The following IKZF1 variants were observed in gnomAD, a reference collection of about 807,000 sequenced individuals.
The protein encoded by IKZF1 is DNA-binding protein Ikaros.
In IKZF1, 10 loss-of-function variants were observed where a neutral mutation model predicts 51.7. The ratio of observed to expected loss-of-function variants is 0.19; its 90% CI spans 0.12 to 0.33. The LOEUF is 0.33. Ranked by LOEUF, IKZF1 falls within the 10% of genes least tolerant of loss-of-function variation. The probability of loss-of-function intolerance (pLI) is 1.00; values close to 1 mark genes in which losing one functional copy is unlikely to be tolerated. For synonymous variants in IKZF1, 280 were observed against 282.3 expected (o/e 0.99, Z 0.08); for missense variants, 484 against 707.5 (o/e 0.68, Z 3.58).
At chr7:50,388,040 G>C (rs34058879) in intron 6 of IKZF1, among the ~76,000 whole-genome samples, 1 of 152,122 alleles carries the variant, frequency 6.6e-6, no homozygotes, top group Admixed American at 6.5e-5. Flanking sequence ...TTCTTTCTTA[G>C]GAGCTGTGAT....
At chr7:50,330,673 G>C (rs1283529867) in intron 3 of IKZF1, among the ~76,000 whole-genome samples, 1 of 152,208 alleles carries the variant, frequency 6.6e-6, no homozygotes, top group Admixed American at 6.5e-5. Flanking sequence ...TTAAATAAAT[G>C]AAGTATGTAG....
upstream of IKZF1, among the ~76,000 whole-genome samples, chr7:50,303,768 G>A (rs971598972): frequency 3.3e-5 from 5 of 151,730 alleles, no homozygotes; most frequent in African/African-American, 1.2e-4. This position sits in a 1 kb window ranked among gnomAD's most constrained non-coding sequence, Gnocchi z 4.7. Context: ...TCGCCAGCGG[G>A]GCGAGCGTGA....
chr7:50,396,004 C>T (rs1308298838), intron 7 of IKZF1, among the ~76,000 whole-genome samples: 1 of 152,190 alleles, frequency 6.6e-6, no homozygotes, highest in Non-Finnish European at 1.5e-5. Flanking sequence ...CCTGAGGGTT[C>T]TTTATTTAAC....
At position 50,400,585 on chromosome 7, in the gene IKZF1, G is replaced by A. The variant is rs1301862364; in HGVS notation, c.1518G>A (p.Ser506=). 1 of 1,613,180 alleles carries A rather than the reference G, an allele frequency of 6.2e-7. No individual in the cohort carries two copies. The highest frequency in any genetic ancestry group is 8.5e-7 in the Non-Finnish European group (1 of 1,179,916). ...GYHSQDRYEF[S]SHITRGEHRF... is the part of the protein sequence containing the mutation. The stretch of plus-strand genomic sequence containing the variant: ...ACAGCCAGGACCGGTACGAGTTCTC[G>A]TCGCACATAACGCGAGGGGAGCACC... Residue 506 remains serine (S), a synonymous_variant, in exon 8 of 8, where the codon TCG becomes TCA. Coordinates refer to ENST00000331340, the MANE Select transcript of IKZF1 (RefSeq NM_006060.6). This position sits in a 1 kb window ranked among gnomAD's most constrained non-coding sequence, Gnocchi z 5.4.
chr7:50,400,575 A>T lies in IKZF1; in HGVS notation c.1508A>T (p.Tyr503Phe), dbSNP rs372476349. 1.9e-6 allele frequency: 3 copies of T among 1,613,576 alleles called. No homozygotes were observed. The highest frequency in any genetic ancestry group is 2.5e-6 in the Non-Finnish European group (3 of 1,179,938). The change falls in exon 8 of 8, where the codon TAC (tyrosine) becomes TTC (phenylalanine). Residue 503 changes from tyrosine to phenylalanine, a missense_variant. Tyr to Phe is a conservative substitution (Grantham distance 22, BLOSUM62 3). This residue lies in a region of IKZF1 where 42 missense variants were observed against 84.4 expected (regional missense o/e 0.50). Transcript: ENST00000331340. This position sits in a 1 kb window ranked among gnomAD's most constrained non-coding sequence, Gnocchi z 5.4. Reference protein sequence around the residue: ...NMCGYHSQDRYEFSSHITRGE... With the variant: ...NMCGYHSQDRFEFSSHITRGE... Reference sequence around the variant, plus strand: ...TGCGGCTACCACAGCCAGGACCGGTACGAGTTCTCGTCGCACATAACGCGA... The same window carrying T: ...TGCGGCTACCACAGCCAGGACCGGTTCGAGTTCTCGTCGCACATAACGCGA...
At position 50,400,099 on chromosome 7, in the gene IKZF1, C is replaced by T. The variant is rs1217484321; in HGVS notation, c.1032C>T (p.Ile344=). ...PPGGSEVVPV[I]SPMYQLHKPL... is the part of the protein sequence containing the mutation. Reference sequence around the variant, plus strand: ...GCGGTTCCGAGGTGGTCCCGGTCATCAGCCCGATGTACCAGCTGCACAAGC... The same window carrying T: ...GCGGTTCCGAGGTGGTCCCGGTCATTAGCCCGATGTACCAGCTGCACAAGC... The change falls in exon 8 of 8, where the codon ATC becomes ATT. Residue 344 remains isoleucine (I), a synonymous_variant. Transcript: ENST00000331340. This position sits in a 1 kb window ranked among gnomAD's most constrained non-coding sequence, Gnocchi z 5.4. The T allele has an allele frequency of 6.4e-7, 1 of 1,565,606 alleles. No homozygotes were observed. The highest frequency in any genetic ancestry group is 1.4e-5 in the African/African-American group (1 of 73,458).
chr7:50,386,545 A>G (rs1247321530), intron 5 of IKZF1, among the ~76,000 whole-genome samples: 1 of 152,178 alleles, frequency 6.6e-6, no homozygotes, highest in African/African-American at 2.4e-5. Context: ...GAGCTTTTCC[A>G]TAAGCTCAGT....
At chr7:50,329,594 T>A (rs1795968533) in intron 3 of IKZF1, among the ~76,000 whole-genome samples, 1 of 152,236 alleles carries the variant, frequency 6.6e-6, no homozygotes, top group Non-Finnish European at 1.5e-5. Flanking sequence ...GATAAAAGTT[T>A]GCAAAAGTGG....
chr7:50,339,876 T>C (rs1798670324), intron 3 of IKZF1, among the ~76,000 whole-genome samples: 1 of 152,246 alleles, frequency 6.6e-6, no homozygotes, highest in South Asian at 2.1e-4. Context: ...TAAAGCAAGA[T>C]GTCTAAATTA....
In IKZF1 at chr7:50,382,580, C is replaced by T. The variant is rs1319160978; in HGVS notation, c.462C>T (p.Phe154=). The T allele has an allele frequency of 1.2e-6, 2 of 1,613,878 alleles. No individual in the cohort carries two copies. Among genetic ancestry groups the T allele is most frequent in the Non-Finnish European group, 1.7e-6 (2 of 1,179,856 alleles). The change falls in exon 5 of 8, where the codon TTC becomes TTT. Residue 154 remains phenylalanine (F), a synonymous_variant. Coordinates refer to ENST00000331340, the MANE Select transcript of IKZF1 (RefSeq NM_006060.6). ...PFQCNQCGAS[F]TQKGNLLRHI... is the part of the protein sequence containing the mutation. ...AGTGCAATCAGTGCGGGGCCTCATT[C>T]ACCCAGAAGGGCAACCTGCTCCGGC... is the stretch of plus-strand genomic sequence containing the variant.
intron 3 of IKZF1, among the ~76,000 whole-genome samples, chr7:50,367,511 A>G (rs1466224978): frequency 6.6e-6 from 1 of 152,220 alleles, no homozygotes; most frequent in Non-Finnish European, 1.5e-5. Flanking sequence ...TGGGGAAAAC[A>G]GGAATTTTTC....
At chr7:50,356,937 C>T (rs556429785) in intron 3 of IKZF1, among the ~76,000 whole-genome samples, 8 of 151,810 alleles carry the variant, frequency 5.3e-5, no homozygotes, top group African/African-American at 1.7e-4. Context: ...ACTGTCCGGT[C>T]TTCTGGAAGC....
In IKZF1 at chr7:50,402,703, ATT is replaced by A. The variant is rs2153521770; in HGVS notation, c.*2078_*2079del. Reference sequence around the variant, plus strand: ...CTTAAAAATATATTTCCTCATAAACATTTGAGTTTTGTTGAAAAGATGGAGTT... The same window carrying A: ...CTTAAAAATATATTTCCTCATAAACATGAGTTTTGTTGAAAAGATGGAGTT... On this transcript the variant is annotated 3_prime_UTR_variant, in exon 8 of 8. Coordinates refer to ENST00000331340, the MANE Select transcript of IKZF1 (RefSeq NM_006060.6). 1 of 230,130 alleles carries A rather than the reference ATT, an allele frequency of 4.3e-6. No homozygotes were observed. Among genetic ancestry groups the A allele is most frequent in the African/African-American group, 2.2e-5 (1 of 45,280 alleles). The allele number at this position is 230,130 out of a possible 1,614,324, so 14.3% of individuals were successfully genotyped here.
At chr7:50,330,516 C>G (rs946209502) in intron 3 of IKZF1, among the ~76,000 whole-genome samples, 10 of 152,160 alleles carry the variant, frequency 6.6e-5, no homozygotes, top group Non-Finnish European at 1.5e-4. Flanking sequence ...GAGGATTCCA[C>G]AAGACCGAAG....
chr7:50,314,586 A>T (rs1283901167), intron 1 of IKZF1, among the ~76,000 whole-genome samples: 1 of 152,350 alleles, frequency 6.6e-6, no homozygotes, highest in Non-Finnish European at 1.5e-5. Flanking sequence ...CTTGACAGGC[A>T]TCTATCTGCA....
At chr7:50,318,459 T>G (rs1310367097) in intron 1 of IKZF1, 1 of 229,486 alleles carries the variant, frequency 4.4e-6, no homozygotes, top group Non-Finnish European at 8.6e-6. Flanking sequence ...CCCAGAAAGA[T>G]TGAGGGACAA....
intron 3 of IKZF1, among the ~76,000 whole-genome samples, chr7:50,372,363 G>GCCA (rs1187977488): frequency 6.6e-6 from 1 of 152,170 alleles, no homozygotes; most frequent in South Asian, 2.1e-4. Flanking sequence ...ACCAAATCCT[G>GCCA]CCAGCACCTG....
At chr7:50,330,466 A>C (rs1013598142) in intron 3 of IKZF1, among the ~76,000 whole-genome samples, 2 of 152,158 alleles carry the variant, frequency 1.3e-5, no homozygotes, top group African/African-American at 4.8e-5. Flanking sequence ...ACCAGGCACG[A>C]CACAAAGGAG....
intron 3 of IKZF1, among the ~76,000 whole-genome samples, chr7:50,339,465 G>C (rs1798567562): frequency 6.6e-6 from 1 of 152,186 alleles, no homozygotes; most frequent in African/African-American, 2.4e-5. Context: ...ATTAGAAAAG[G>C]ATTTGGCCAG....
Sources: allele counts gnomAD v4.1 joint callset (sites outside exome capture counted in the v4.1 genomes callset), GRCh38; gene constraint gnomAD v4.1.1; regional missense constraint gnomAD v4.1.1; non-coding constraint Gnocchi (gnomAD v3.1); transcripts MANE v1.5; gene names NCBI Gene and HGNC (gene_info 2026-07-23, HGNC 2026-07-21).